The following PLCZ1 variants were observed in gnomAD, a reference collection of about 807,000 sequenced individuals.
PLCZ1 encodes the protein 1-phosphatidylinositol 4,5-bisphosphate phosphodiesterase zeta-1.
PLCZ1 carries 64 observed loss-of-function variants against 76.8 expected under a neutral mutation model. The ratio of observed to expected loss-of-function variants is 0.83; its 90% CI spans 0.68 to 1.03. PLCZ1 has a LOEUF of 1.03. Ranked by LOEUF, PLCZ1 falls within the 50% of genes least tolerant of loss-of-function variation. The pLI is 0.00. For synonymous variants in PLCZ1, 248 were observed against 230.8 expected, an observed-to-expected ratio of 1.07 and a Z score of -0.68; for missense variants, 751 against 713.7, an observed-to-expected ratio of 1.05 and a Z score of -0.60.
intron 6 of PLCZ1, among the ~76,000 whole-genome samples, chr12:18,710,904 G>A (rs1957224914): frequency 6.6e-6 from 1 of 152,078 alleles, no homozygotes; most frequent in Non-Finnish European, 1.5e-5. Flanking sequence ...GAGAGGATGT[G>A]GAGAAATAGG....
chr12:18,709,719 G>A (rs1173136045), intron 6 of PLCZ1, among the ~76,000 whole-genome samples: 3 of 150,714 alleles, frequency 2.0e-5, no homozygotes, highest in African/African-American at 7.3e-5. Flanking sequence ...ACACCCCAAG[G>A]GAAAAAAAAC....
intron 7 of PLCZ1, 24 bp from the exon 8 acceptor site, chr12:18,701,800 C>T: frequency 6.3e-7 from 1 of 1,579,614 alleles, no homozygotes; most frequent in South Asian, 1.1e-5. Context: ...TTGAGAGATA[C>T]AATTACACAT....
intron 4 of PLCZ1, among the ~76,000 whole-genome samples, chr12:18,721,142 C>T (rs1470741219): frequency 6.6e-6 from 1 of 151,974 alleles, no homozygotes; most frequent in African/African-American, 2.4e-5. Flanking sequence ...ATTGGCTTAG[C>T]CCTTTTGAAC....
intron 6 of PLCZ1, among the ~76,000 whole-genome samples, chr12:18,709,276 C>T (rs746961680): frequency 4.6e-5 from 7 of 152,012 alleles, no homozygotes; most frequent in Non-Finnish European, 7.4e-5. Flanking sequence ...AGACATTATC[C>T]TTTACCATTT....
At chr12:18,720,564 C>A (rs1479588849) in intron 4 of PLCZ1, among the ~76,000 whole-genome samples, 1 of 151,628 alleles carries the variant, frequency 6.6e-6, no homozygotes. Flanking sequence ...CTCTCCCTAT[C>A]TGTGGAATGG....
chr12:18,654,751 A>G, the PLCZ1 span, among the ~76,000 whole-genome samples: 2 of 152,140 alleles, frequency 1.3e-5, no homozygotes, highest in African/African-American at 4.8e-5. Flanking sequence ...GGACTTTCCT[A>G]CTCATAAGGA....
chr12:18,713,262 T>A lies in PLCZ1; in HGVS notation c.570-276A>T, dbSNP rs1957555605. ...TCTCCATACAAGGCTTGGTTTTCAGTAAGCAATGAGGATACCTGCTCCATA... is the reference window on the plus strand; with the variant it reads ...TCTCCATACAAGGCTTGGTTTTCAGAAAGCAATGAGGATACCTGCTCCATA... On this transcript the variant is annotated intron_variant, in intron 5 of 14. Coordinates refer to ENST00000266505, the MANE Select transcript of PLCZ1 (RefSeq NM_033123.4). Among the ~76,000 whole-genome samples the A allele has an allele frequency of 3.9e-5, 6 of 152,242 alleles. No homozygotes were observed. The South Asian group carries it at 1.2e-3, about 32-fold the overall frequency.
chr12:18,688,298 T>A, intron 12 of PLCZ1, 80 bp from the exon 13 acceptor site: 1 of 1,428,210 alleles, frequency 7.0e-7, no homozygotes, highest in South Asian at 1.3e-5. Flanking sequence ...AAGTTATGTA[T>A]TACAAAAAGT....
rs1418319077 is a variant in PLCZ1 at position 18,688,170 on chromosome 12, C to T, written c.1510G>A (p.Gly504Ser). Residue 504 changes from glycine (G) to serine (S), a missense_variant, in exon 13 of 15, where the codon GGT (glycine) becomes AGT (serine). Gly to Ser is a moderately conservative substitution (Grantham distance 56). Transcript: ENST00000266505. ...ACTTCTATAATTACTAATGAATCACCTTTGTTAGATGATGAATGAGTAAGA... is the reference window on the plus strand; with the variant it reads ...ACTTCTATAATTACTAATGAATCACTTTTGTTAGATGATGAATGAGTAAGA... Reference protein sequence around the residue: ...LPLTHSSSNKGDSLVIIEVFG... With the variant: ...LPLTHSSSNKSDSLVIIEVFG... 4 of 1,610,770 alleles carry T rather than the reference C, an allele frequency of 2.5e-6. No homozygotes were observed. The highest frequency in any genetic ancestry group is 1.7e-5 in the Admixed American group (1 of 59,884).
rs73344969 is a variant in PLCZ1 at position 18,685,334 on chromosome 12, C to G, written c.1592-1055G>C. On this transcript the variant is annotated intron_variant, in intron 13 of 14. Transcript: ENST00000266505. ...GACCCAAATCATCCAAAAAGTAAAG[C>G]GTAATTTAACAGAATCAAGAAATTC... Among the ~76,000 whole-genome samples, 315 of 152,002 alleles carry G rather than the reference C, an allele frequency of 2.1e-3. 3 individuals carry two copies. Among genetic ancestry groups the G allele is most frequent in the African/African-American group, 7.3e-3 (304 of 41,482 alleles).
intron 3 of PLCZ1, among the ~76,000 whole-genome samples, chr12:18,732,342 G>T (rs896992437): frequency 6.6e-6 from 1 of 152,018 alleles, no homozygotes; most frequent in African/African-American, 2.4e-5. Context: ...TTGTAGACAC[G>T]AGTTTCACCA....
chr12:18,730,844 T>C (rs533374376), intron 3 of PLCZ1: 2 of 152,322 alleles, frequency 1.3e-5, no homozygotes, highest in Non-Finnish European at 1.5e-5. Context: ...TTATTTTGCC[T>C]TTAATGTAAA....
chr12:18,711,620 A>G (rs1331215403), intron 6 of PLCZ1, among the ~76,000 whole-genome samples: 2 of 151,782 alleles, frequency 1.3e-5, no homozygotes, highest in African/African-American at 4.8e-5. Flanking sequence ...AAGGAGAAGT[A>G]GGTTACAGTT....
the PLCZ1 span, among the ~76,000 whole-genome samples, chr12:18,668,758 T>C: frequency 1.3e-5 from 2 of 152,170 alleles, no homozygotes; most frequent in Non-Finnish European, 2.9e-5. Context: ...GCTATATTTA[T>C]TGCTTGGGAA....
chr12:18,711,170 G>C (rs886532711), intron 6 of PLCZ1, among the ~76,000 whole-genome samples: 6 of 151,790 alleles, frequency 4.0e-5, no homozygotes, highest in Non-Finnish European at 7.4e-5. Context: ...TTAAGAAAAT[G>C]GGGAACATAT....
chr12:18,720,856 A>T (rs1958398704), intron 4 of PLCZ1, among the ~76,000 whole-genome samples: 1 of 152,146 alleles, frequency 6.6e-6, no homozygotes, highest in Non-Finnish European at 1.5e-5. Flanking sequence ...AATACTAAGC[A>T]GCCATTAAGA....
chr12:18,726,017 C>A (rs1216569843), intron 3 of PLCZ1, among the ~76,000 whole-genome samples: 1 of 152,006 alleles, frequency 6.6e-6, no homozygotes, highest in Non-Finnish European at 1.5e-5. Flanking sequence ...CCTCAGACAG[C>A]AAGTTTGTCA....
the PLCZ1 span, among the ~76,000 whole-genome samples, chr12:18,652,469 T>C: frequency 1.2e-4 from 19 of 152,126 alleles, no homozygotes; most frequent in South Asian, 1.0e-3. Flanking sequence ...GAACCAACCA[T>C]TGATCTTGGA....
At chr12:18,647,157 A>C in the PLCZ1 span, among the ~76,000 whole-genome samples, 1 of 152,276 alleles carries the variant, frequency 6.6e-6, no homozygotes, top group Non-Finnish European at 1.5e-5. Context: ...TTGAATAAAT[A>C]AAAGTAACCA....
Sources: gnomAD v4.1 joint callset for allele counts (sites outside exome capture counted in the v4.1 genomes callset) on GRCh38, gnomAD v4.1.1 for gene constraint, MANE v1.5 for transcripts, NCBI Gene and HGNC (gene_info 2026-07-23, HGNC 2026-07-21) for gene names.